ZNF853: variants seen among roughly 807,000 people sequenced by gnomAD.
ZNF853 encodes the protein zinc finger protein 853.
ZNF853 carries 57 observed loss-of-function variants against 94.7 expected under a neutral mutation model. The ratio of observed to expected loss-of-function variants is 0.60; its 90% CI spans 0.49 to 0.75. ZNF853 has a LOEUF of 0.75. Ranked by LOEUF, ZNF853 falls within the 30% of genes least tolerant of loss-of-function variation. The pLI is 0.00. For synonymous variants in ZNF853, 448 were observed against 406.3 expected (o/e 1.10, Z -1.23); for missense variants, 785 against 868.9 (o/e 0.90, Z 1.21).
rs1164095287 is a variant in ZNF853, at chr7:6,622,222, C to T, written c.1231C>T (p.Leu411=). 1.3e-6 allele frequency: 2 copies of T among 1,533,508 alleles called. No homozygotes were observed. The highest frequency in any genetic ancestry group is 1.2e-5 in the South Asian group (1 of 83,570). The allele number at this position is 1,533,508 out of a possible 1,614,324, so 95.0% of individuals were successfully genotyped here. A position where few individuals can be genotyped will look rare whatever the true frequency, so the allele number is the denominator to read the frequency against. The stretch of plus-strand genomic sequence containing the variant: ...GGAGCTGACCCCCGTGCAGCCGGAG[C>T]TGCAGCTGGAACTGGTGCCAGCCGC... ...QLELTPVQPE[L]QLELVPAAGG... is the part of the protein sequence containing the mutation. Residue 411 remains leucine, a synonymous_variant, in exon 3 of 3, where the codon CTG becomes TTG. Transcript: ENST00000457543.
intron 2 of ZNF853, chr7:6,617,592 G>T (rs1454008459): frequency 1.5e-5 from 15 of 985,258 alleles, no homozygotes; most frequent in Non-Finnish European, 1.7e-5. Context: ...CAGCCAGAGG[G>T]CCTCCACCAT....
At chr7:6,620,998 C>A in intron 2 of ZNF853, 124 bp from the exon 3 acceptor site, 1 of 1,242,490 alleles carries the variant, frequency 8.0e-7, no homozygotes, top group South Asian at 1.9e-5. Flanking sequence ...CCAGCACTTT[C>A]GGGCTCCTGC....
rs779293127 is a variant in ZNF853, at chr7:6,622,122, G to C, written c.1131G>C (p.Gln377His). The C allele has an allele frequency of 1.9e-6, 3 of 1,545,200 alleles. No homozygotes were observed. The South Asian group carries it at 3.6e-5, about 18-fold the overall frequency. ...AGCAACAGCTGGAGCAGCAGCAGCA[G>C]CAGCTGGAGCAGCAGGAGGTGCAGC... is the stretch of plus-strand genomic sequence containing the variant. ...QLEQQLEQQQ[Q>H]QLEQQEVQLE... Residue 377 changes from glutamine to histidine, a missense_variant, in exon 3 of 3, where the codon CAG (glutamine) becomes CAC (histidine). Transcript: ENST00000457543.
chr7:6,619,931 G>C, intron 2 of ZNF853, among the ~76,000 whole-genome samples: 1 of 152,162 alleles, frequency 6.6e-6, no homozygotes. Flanking sequence ...TTAGTCCTTT[G>C]TATTCCTGAA....
Position 6,616,134 on chromosome 7 carries a change from G to T in ZNF853, c.-41G>T. On this transcript the variant is annotated 5_prime_UTR_variant, in exon 1 of 3. An upstream open reading frame in the 5' UTR loses its in-frame stop. Transcript: ENST00000457543. ...TGGCCTTCACCTCGCAGCCTCTGCT[G>T]ACCACACCTCCCTAGCGCAGAGGCT... 3 of 1,542,584 alleles carry T rather than the reference G, an allele frequency of 1.9e-6. No individual in the cohort carries two copies. The South Asian group carries it at 3.6e-5, about 18-fold the overall frequency.
Position 6,621,326 on chromosome 7 carries a change from CGCAGCCACACCTAGAACTGCAACA to C in ZNF853, c.342_365del (p.His115_Pro122del). On this transcript the variant is annotated inframe_deletion, in exon 3 of 3. Coordinates refer to ENST00000457543, the MANE Select transcript of ZNF853 (RefSeq NM_017560.3). ...CCGCAACACGAGCAGCTGCAACAGC[CGCAGCCACACCTAGAACTGCAACA>C]GCAGCCGCAGCAAGATGGGCAACAA... The C allele has an allele frequency of 6.4e-7, 1 of 1,551,498 alleles. No individual in the cohort carries two copies. The highest frequency in any genetic ancestry group is 8.7e-7 in the Non-Finnish European group (1 of 1,146,886).
rs1562571787 is a variant in ZNF853 at position 6,623,468 on chromosome 7, G to A, written c.*497G>A. ...CTATGTAGAAACTGACCAAGGCATCGAATCGTCCTCAGAGGCATTTGCCTT... is the reference window on the plus strand; with the variant it reads ...CTATGTAGAAACTGACCAAGGCATCAAATCGTCCTCAGAGGCATTTGCCTT... On this transcript the variant is annotated 3_prime_UTR_variant, in exon 3 of 3. Transcript: ENST00000457543. 2.5e-6 allele frequency: 1 copy of A among 397,908 alleles called. No individual in the cohort carries two copies. The highest frequency in any genetic ancestry group is 3.6e-5 in the East Asian group (1 of 28,076). 24.6% of individuals were successfully genotyped at this position (397,908 alleles called of 1,614,324 possible).
At position 6,615,868 on chromosome 7, in the gene ZNF853, G is replaced by A. The variant is rs1474266772; in HGVS notation, c.-307G>A. ...ATCCCGCTGCCCGCGATGGTCCCGG[G>A]GGGCCGGCCCTGAGCCCCGCGCGGG... On this transcript the variant is annotated 5_prime_UTR_variant, in exon 1 of 3. Transcript: ENST00000457543. This position sits in a 1 kb window ranked among gnomAD's most constrained non-coding sequence, Gnocchi z 8.5. The A allele has an allele frequency of 4.0e-6, 1 of 248,382 alleles. No homozygotes were observed. The highest frequency in any genetic ancestry group is 1.6e-4 in the South Asian group (1 of 6,236). 15.4% of individuals were successfully genotyped at this position (248,382 alleles called of 1,614,324 possible).
Position 6,621,543 on chromosome 7 carries a change from G to A in ZNF853, c.552G>A (p.Glu184=), listed in dbSNP as rs1417690485. The A allele has an allele frequency of 2.6e-6, 4 of 1,551,544 alleles. No homozygotes were observed. In the East Asian group the frequency reaches 7.3e-5, roughly 28 times the overall value. ...QEQLQTQQAQ[E]QQVLQQQEQL... is the part of the protein sequence containing the mutation. ...AGTTACAGACGCAGCAAGCACAAGA[G>A]CAACAGGTATTGCAGCAGCAGGAAC... Residue 184 remains glutamate (E), a synonymous_variant, in exon 3 of 3, where the codon GAG becomes GAA. Coordinates refer to ENST00000457543, the MANE Select transcript of ZNF853 (RefSeq NM_017560.3).
At chr7:6,620,976 T>G in intron 2 of ZNF853, 146 bp from the exon 3 acceptor site, 1 of 1,021,156 alleles carries the variant, frequency 9.8e-7, no homozygotes, top group Non-Finnish European at 1.3e-6. Flanking sequence ...TGGGCTGCTA[T>G]TGTTACTCGA....
At position 6,622,359 on chromosome 7, in the gene ZNF853, C is replaced by T. The variant is rs894423218; in HGVS notation, c.1368C>T (p.Ala456=). 1.2e-5 allele frequency: 17 copies of T among 1,436,512 alleles called. No individual in the cohort carries two copies. Among genetic ancestry groups the T allele is most frequent in the Non-Finnish European group, 1.5e-5 (16 of 1,102,810 alleles). 89.0% of individuals were successfully genotyped at this position (1,436,512 alleles called of 1,614,324 possible). A position where few individuals can be genotyped will look rare whatever the true frequency, so the allele number is the denominator to read the frequency against. ...LMVLPAVAAP[A]VVAIPGPAGS... is the part of the protein sequence containing the mutation. ...TGCTGCCCGCCGTGGCAGCGCCGGCCGTGGTGGCCATCCCGGGCCCGGCAG... is the reference window on the plus strand; with the variant it reads ...TGCTGCCCGCCGTGGCAGCGCCGGCTGTGGTGGCCATCCCGGGCCCGGCAG... The change falls in exon 3 of 3, where the codon GCC becomes GCT. Residue 456 remains alanine (A), a synonymous_variant. Coordinates refer to ENST00000457543, the MANE Select transcript of ZNF853 (RefSeq NM_017560.3).
At chr7:6,619,808 C>T in intron 2 of ZNF853, among the ~76,000 whole-genome samples, 17 of 152,006 alleles carry the variant, frequency 1.1e-4, no homozygotes, top group Admixed American at 6.5e-4. Flanking sequence ...ATGGTGTACA[C>T]GGTGCGGAAA....
chr7:6,621,051 G>A, intron 2 of ZNF853, 71 bp from the exon 3 acceptor site: 2 of 1,447,344 alleles, frequency 1.4e-6, no homozygotes, highest in Admixed American at 5.9e-5. Flanking sequence ...GTAAGGGGCA[G>A]GTCCTGGGGT....
At chr7:6,617,041 G>A in intron 1 of ZNF853, 149 bp from the exon 2 acceptor site, 18 of 520,402 alleles carry the variant, frequency 3.5e-5, no homozygotes, top group East Asian at 2.1e-4. Flanking sequence ...TCCCCGTTGC[G>A]GGGGACAGTC....
chr7:6,621,032 G>C, intron 2 of ZNF853, 90 bp from the exon 3 acceptor site: 1 of 1,422,478 alleles, frequency 7.0e-7, no homozygotes, highest in Non-Finnish European at 9.2e-7. Context: ...GTGTATCTTT[G>C]AGGGCAGGGT....
chr7:6,621,022 G>A, intron 2 of ZNF853, 100 bp from the exon 3 acceptor site: 1 of 1,391,918 alleles, frequency 7.2e-7, no homozygotes, highest in Non-Finnish European at 9.5e-7. Flanking sequence ...GAGCGTGTTA[G>A]TGTATCTTTG....
Position 6,622,167 on chromosome 7 carries a change from G to A in ZNF853, c.1176G>A (p.Glu392=), listed in dbSNP as rs1782634953. 1 of 1,541,938 alleles carries A rather than the reference G, an allele frequency of 6.5e-7. No homozygotes were observed. Among genetic ancestry groups the A allele is most frequent in the Non-Finnish European group, 8.7e-7 (1 of 1,146,464 alleles). ...TGCAGCTGGAGCTGACCCCGGTGGAGCTAGGCGCCCAGCAGCAGGAGGTGC... is the reference window on the plus strand; with the variant it reads ...TGCAGCTGGAGCTGACCCCGGTGGAACTAGGCGCCCAGCAGCAGGAGGTGC... ...QEVQLELTPV[E]LGAQQQEVQL... is the part of the protein sequence containing the mutation. Residue 392 remains glutamate, a synonymous_variant, in exon 3 of 3, where the codon GAG becomes GAA. Transcript: ENST00000457543.
intron 2 of ZNF853, among the ~76,000 whole-genome samples, chr7:6,618,726 CAAAAACTG>C: frequency 2.0e-5 from 3 of 152,028 alleles, no homozygotes. Context: ...AACAAACAAA[CAAAAACTG>C]AAATTGCTGC....
Position 6,623,107 on chromosome 7 carries a change from C to A in ZNF853, c.*136C>A. ...AGTAAAAGGCTTCCACCATCATCAT[C>A]ATCATCATCTTCCGGATTCCCTGAG... is the stretch of plus-strand genomic sequence containing the variant. On this transcript the variant is annotated 3_prime_UTR_variant, in exon 3 of 3. Transcript: ENST00000457543. 1.4e-6 allele frequency: 1 copy of A among 692,368 alleles called. No homozygotes were observed. Among genetic ancestry groups the A allele is most frequent in the Non-Finnish European group, 2.0e-6 (1 of 494,316 alleles). 42.9% of individuals were successfully genotyped at this position (692,368 alleles called of 1,614,324 possible). A position where few individuals can be genotyped will look rare whatever the true frequency, so the allele number is the denominator to read the frequency against.
Sources: gnomAD v4.1 joint callset for allele counts (sites outside exome capture counted in the v4.1 genomes callset) on GRCh38, gnomAD v4.1.1 for gene constraint, Gnocchi (gnomAD v3.1) non-coding constraint, MANE v1.5 for transcripts, NCBI Gene and HGNC (gene_info 2026-07-23, HGNC 2026-07-21) for gene names.